Variants in ALKBH1 observed in about 807,000 individuals in gnomAD.
The protein encoded by ALKBH1 is nucleic acid dioxygenase ALKBH1.
A neutral mutation model predicts 36.6 loss-of-function variants in ALKBH1; 31 were observed. The ratio of observed to expected loss-of-function variants is 0.85; its 90% CI spans 0.64 to 1.14. ALKBH1 has a LOEUF of 1.14. Among genes scored for constraint, ALKBH1 ranks in the 50% most tolerant of loss-of-function variants. The pLI is 0.00. For synonymous variants in ALKBH1, 183 were observed against 186.6 expected (o/e 0.98, Z 0.16); for missense variants, 490 against 497.3 (o/e 0.99, Z 0.14).
chr14:77,688,929 C>T (rs976902852), intron 3 of ALKBH1, among the ~76,000 whole-genome samples: 12 of 149,634 alleles, frequency 8.0e-5, no homozygotes, highest in African/African-American at 2.7e-4. Flanking sequence ...CAATTTCCTC[C>T]ACTACCAGAG....
intron 3 of ALKBH1, among the ~76,000 whole-genome samples, chr14:77,694,389 T>C (rs1295718065): frequency 6.6e-6 from 1 of 152,214 alleles, no homozygotes; most frequent in Non-Finnish European, 1.5e-5. Flanking sequence ...GCTTTCGATG[T>C]TACCTTTCCT....
intron 1 of ALKBH1, among the ~76,000 whole-genome samples, chr14:77,707,556 C>A (rs1242471932): frequency 2.6e-5 from 4 of 152,126 alleles, no homozygotes; most frequent in African/African-American, 9.7e-5. Context: ...TGTGAGGAGA[C>A]AGTTACAGTA....
chr14:77,700,700 C>T (rs1184981032), intron 2 of ALKBH1, among the ~76,000 whole-genome samples: 3 of 152,092 alleles, frequency 2.0e-5, no homozygotes, highest in Non-Finnish European at 4.4e-5. Context: ...AATAATACTT[C>T]TGGTTTAGTC....
At chr14:77,680,677 C>CTCTTTTTTTTTTTTTTTTTT (rs774703181) in intron 3 of ALKBH1, among the ~76,000 whole-genome samples, 5 of 124,332 alleles carry the variant, frequency 4.0e-5, no homozygotes, top group African/African-American at 1.6e-4. Flanking sequence ...ATTAACTACT[C>CTCTTTTTTTTTTTTTTTTTT]TTTTTTTTTT....
At chr14:77,699,618 T>C (rs1208460877) in intron 2 of ALKBH1, among the ~76,000 whole-genome samples, 1 of 152,202 alleles carries the variant, frequency 6.6e-6, no homozygotes, top group Non-Finnish European at 1.5e-5. Context: ...CCCTCTCTCC[T>C]GGCCCATCAC....
intron 4 of ALKBH1, 79 bp downstream of exon 4, chr14:77,679,801 G>T: frequency 1.9e-6 from 2 of 1,053,838 alleles, no homozygotes; most frequent in Non-Finnish European, 2.9e-6. Context: ...TATCTTAAGC[G>T]TGGTTAGGAA....
intron 2 of ALKBH1, among the ~76,000 whole-genome samples, chr14:77,703,593 C>CTT (rs200488919): frequency 0.012 from 1,387 of 112,780 alleles, 62 homozygotes; most frequent in African/African-American, 0.047. Flanking sequence ...CTGCGTCCAG[C>CTT]TTTTTTTTTT....
rs2080404689 is a variant in ALKBH1, at chr14:77,707,803, G to C, written c.183+19C>G. ...GGGGCAAAGCGATGGAGAGACGCGC[G>C]CCACTCCTCTCTCTGTACCTTTTGG... On this transcript the variant is annotated intron_variant, in intron 1 of 5. Transcript: ENST00000216489. The C allele has an allele frequency of 1.3e-6, 2 of 1,570,614 alleles. No individual in the cohort carries two copies. The highest frequency in any genetic ancestry group is 2.7e-5 in the African/African-American group (2 of 73,378).
At chr14:77,692,401 G>C (rs1301682812) in intron 3 of ALKBH1, among the ~76,000 whole-genome samples, 1 of 150,320 alleles carries the variant, frequency 6.7e-6, no homozygotes, top group Non-Finnish European at 1.5e-5. Context: ...GTGGGGATGG[G>C]GGGTGGTTTG....
chr14:77,703,016 G>A (rs1205041027), intron 2 of ALKBH1, among the ~76,000 whole-genome samples: 1 of 152,060 alleles, frequency 6.6e-6, no homozygotes, highest in African/African-American at 2.4e-5. Context: ...GCTGGGCGTG[G>A]TGGCATATAC....
At chr14:77,701,086 C>G (rs1335918512) in intron 2 of ALKBH1, among the ~76,000 whole-genome samples, 1 of 152,014 alleles carries the variant, frequency 6.6e-6, no homozygotes, top group Non-Finnish European at 1.5e-5. Context: ...GAATGAGACC[C>G]TGTCTCAAGA....
chr14:77,690,752 C>A (rs2080292464), intron 3 of ALKBH1, among the ~76,000 whole-genome samples: 1 of 147,558 alleles, frequency 6.8e-6, no homozygotes, highest in Non-Finnish European at 1.5e-5. Context: ...GGCTGTTTTG[C>A]ATTTTTTTTT....
intron 1 of ALKBH1, among the ~76,000 whole-genome samples, chr14:77,705,351 C>T (rs886657355): frequency 7.8e-5 from 11 of 140,580 alleles, no homozygotes; most frequent in Non-Finnish European, 1.4e-4. Flanking sequence ...GTGAAAGTTG[C>T]AGTGAGCTGA....
chr14:77,703,593 C>CTTTTTTTT (rs200488919), intron 2 of ALKBH1, among the ~76,000 whole-genome samples: 2 of 112,896 alleles, frequency 1.8e-5, no homozygotes, highest in African/African-American at 3.6e-5. Flanking sequence ...CTGCGTCCAG[C>CTTTTTTTT]TTTTTTTTTT....
chr14:77,685,604 C>T (rs987643699), intron 3 of ALKBH1, among the ~76,000 whole-genome samples: 2 of 151,612 alleles, frequency 1.3e-5, no homozygotes, highest in Non-Finnish European at 2.9e-5. Flanking sequence ...ATGGTGAAAC[C>T]TCGTCTCTAC....
intron 3 of ALKBH1, among the ~76,000 whole-genome samples, chr14:77,680,499 CT>C (rs2080230621): frequency 6.6e-6 from 1 of 152,082 alleles, no homozygotes; most frequent in African/African-American, 2.4e-5. Context: ...AACATGACTT[CT>C]TTAACTCTGT....
Position 77,694,786 on chromosome 14 carries a change from G to A in ALKBH1, c.407C>T (p.Ser136Phe). ...PNVCNLDKHM[S>F]KEETQDLWEQ... The stretch of plus-strand genomic sequence containing the variant: ...CCACAGATCTTGGGTCTCTTCTTTA[G>A]ACATGTGTTTGTCCAGGTTACATAC... Residue 136 changes from serine to phenylalanine, a missense_variant, in exon 3 of 6, where the codon TCT becomes TTT. Ser to Phe is a radical substitution (Grantham distance 155). Transcript: ENST00000216489. 6.2e-7 allele frequency: 1 copy of A among 1,608,868 alleles called. No individual in the cohort carries two copies. The highest frequency in any genetic ancestry group is 8.5e-7 in the Non-Finnish European group (1 of 1,177,720).
intron 2 of ALKBH1, chr14:77,696,871 T>G (rs756235894): frequency 2.0e-5 from 3 of 152,820 alleles, no homozygotes; most frequent in Non-Finnish European, 4.4e-5. Flanking sequence ...TATTCAGGTA[T>G]GCTTTTGACA....
At position 77,679,945 on chromosome 14, in the gene ALKBH1, G is replaced by T; in HGVS notation, c.481C>A (p.Pro161Thr). ...LRYKEATKRR[P>T]RSLLEKLRWV... The stretch of plus-strand genomic sequence containing the variant: ...CGCAGTTTCTCCAGTAAACTTCGGG[G>T]TCTCCGTTTAGTCGCTTCTTTATAC... The change falls in exon 4 of 6, where the codon CCC (proline) becomes ACC (threonine). Residue 161 changes from proline to threonine, a missense_variant. Coordinates refer to ENST00000216489, the MANE Select transcript of ALKBH1 (RefSeq NM_006020.3). 1 of 1,614,092 alleles carries T rather than the reference G, an allele frequency of 6.2e-7. No homozygotes were observed. The highest frequency in any genetic ancestry group is 8.5e-7 in the Non-Finnish European group (1 of 1,179,946).
Sources: gnomAD v4.1 joint callset for allele counts (sites outside exome capture counted in the v4.1 genomes callset) on GRCh38, gnomAD v4.1.1 for gene constraint, MANE v1.5 for transcripts, NCBI Gene and HGNC (gene_info 2026-07-23, HGNC 2026-07-21) for gene names.